Variants in TRAPPC9 observed in about 807,000 individuals in gnomAD.
TRAPPC9 encodes trafficking protein particle complex subunit 9.
In TRAPPC9, 83 loss-of-function variants were observed where a neutral mutation model predicts 124.0. The observed-to-expected ratio is 0.67, with a 90% CI of 0.56 to 0.80. The LOEUF (loss-of-function observed/expected upper bound fraction) is 0.80, where lower values mean the gene tolerates loss of function less well. Among genes scored for constraint, TRAPPC9 ranks in the 30% least tolerant of loss-of-function variants. The pLI is 0.00. For synonymous variants in TRAPPC9, 638 were observed against 617.5 expected (o/e 1.03, Z -0.49); for missense variants, 1,302 against 1,508.3 (o/e 0.86, Z 2.27).
At position 139,749,390 on chromosome 8, in the gene TRAPPC9, T is replaced by A. The variant is rs537775212; in HGVS notation, c.3056-17188A>T. Among the ~76,000 whole-genome samples, 33 of 152,258 alleles carry A rather than the reference T, an allele frequency of 2.2e-4. 1 individual carries two copies. The South Asian group carries it at 6.4e-3, about 30-fold the overall frequency. On this transcript the variant is annotated intron_variant, in intron 21 of 22. Coordinates refer to ENST00000438773, the MANE Select transcript of TRAPPC9 (RefSeq NM_001160372.4). ...GGCTTACAGTGTGACCTCAGGTAAA[T>A]CATTTAACCGATCTGAGCCTCAGCG...
intron 19 of TRAPPC9, among the ~76,000 whole-genome samples, chr8:139,976,081 C>T (rs924181281): frequency 2.0e-5 from 3 of 151,792 alleles, no homozygotes; most frequent in Non-Finnish European, 2.9e-5. Flanking sequence ...TTAGTACAGA[C>T]GGGGTTCCAC....
In TRAPPC9 at chr8:139,860,896, T is replaced by C. The variant is rs187959711; in HGVS notation, c.3055+24983A>G. Among the ~76,000 whole-genome samples, 109 of 152,308 alleles carry C rather than the reference T, an allele frequency of 7.2e-4. No individual in the cohort carries two copies. The Middle Eastern group carries it at 0.01, about 14-fold the overall frequency. ...CACCCTCACCTTCACCACCTGGAAA[T>C]AGCTGCTCCTTACCAGGCTACAGTC... On this transcript the variant is annotated intron_variant, in intron 21 of 22. Transcript: ENST00000438773.
At chr8:139,940,666 C>A (rs915385271) in intron 19 of TRAPPC9, among the ~76,000 whole-genome samples, 2 of 151,972 alleles carry the variant, frequency 1.3e-5, no homozygotes, top group Admixed American at 6.5e-5. Context: ...GCTCCACTGT[C>A]ACCCACAGAA....
intron 5 of TRAPPC9, among the ~76,000 whole-genome samples, chr8:140,414,001 T>C (rs2069808579): frequency 6.6e-6 from 1 of 152,072 alleles, no homozygotes; most frequent in East Asian, 1.9e-4. Flanking sequence ...AGCAGCATGA[T>C]TTATAGTCCT....
chr8:139,795,117 C>A (rs1000333985), intron 21 of TRAPPC9, among the ~76,000 whole-genome samples: 1 of 152,196 alleles, frequency 6.6e-6, no homozygotes, highest in Non-Finnish European at 1.5e-5. Flanking sequence ...CCAAAGACAA[C>A]GGGCAGGCAC....
intron 9 of TRAPPC9, among the ~76,000 whole-genome samples, chr8:140,318,158 C>A (rs1386690854): frequency 2.0e-5 from 3 of 151,986 alleles, no homozygotes; most frequent in African/African-American, 7.3e-5. Flanking sequence ...TCTTGATAAC[C>A]ACTGAATCCG....
At chr8:139,854,844 C>T (rs1453892359) in intron 21 of TRAPPC9, among the ~76,000 whole-genome samples, 7 of 152,106 alleles carry the variant, frequency 4.6e-5, no homozygotes, top group Admixed American at 6.5e-5. Flanking sequence ...CTGAGGCCAG[C>T]GCTGGTTTCC....
intron 21 of TRAPPC9, among the ~76,000 whole-genome samples, chr8:139,755,515 G>T (rs1425388549): frequency 6.9e-6 from 1 of 145,516 alleles, no homozygotes; most frequent in African/African-American, 2.6e-5. Context: ...AGGACAGCAG[G>T]TCGCAGGAGG....
intron 18 of TRAPPC9, among the ~76,000 whole-genome samples, chr8:140,008,886 G>A (rs957404773): frequency 7.2e-5 from 11 of 152,284 alleles, no homozygotes; most frequent in Non-Finnish European, 1.5e-4. Context: ...TATCCCAGTA[G>A]GAAAGGCTGG....
chr8:139,901,693 G>A (rs957185687), intron 20 of TRAPPC9, among the ~76,000 whole-genome samples: 1 of 152,224 alleles, frequency 6.6e-6, no homozygotes, highest in Non-Finnish European at 1.5e-5. Context: ...CCTCTGGTAA[G>A]TGGGGATAAT....
chr8:140,014,372 G>T (rs1374468218), intron 18 of TRAPPC9, among the ~76,000 whole-genome samples: 3 of 151,970 alleles, frequency 2.0e-5, no homozygotes, highest in Non-Finnish European at 4.4e-5. Flanking sequence ...AAATCTCAAA[G>T]GTAATTTGAT....
chr8:139,878,138 T>C (rs1829448097), intron 21 of TRAPPC9, among the ~76,000 whole-genome samples: 1 of 152,200 alleles, frequency 6.6e-6, no homozygotes. Flanking sequence ...TGTTCAACAA[T>C]AGAACAAGTA....
intron 17 of TRAPPC9, among the ~76,000 whole-genome samples, chr8:140,037,768 AAC>A (rs377013866): frequency 2.5e-4 from 36 of 145,930 alleles, no homozygotes; most frequent in East Asian, 6.1e-4. Context: ...ACACACCCAA[AAC>A]ACACACAGAC....
intron 21 of TRAPPC9, among the ~76,000 whole-genome samples, chr8:139,749,843 C>T (rs1375161406): frequency 6.6e-6 from 1 of 152,200 alleles, no homozygotes; most frequent in Non-Finnish European, 1.5e-5. Context: ...CAGTGGAGAG[C>T]ACCTCCCTGC....
intron 18 of TRAPPC9, among the ~76,000 whole-genome samples, chr8:140,004,467 C>T (rs1412473664): frequency 3.9e-5 from 6 of 152,202 alleles, no homozygotes; most frequent in Non-Finnish European, 7.3e-5. Context: ...ATGGCTATAA[C>T]ATCATAAGCA....
chr8:140,263,698 C>G (rs1016427314), intron 15 of TRAPPC9, among the ~76,000 whole-genome samples: 32 of 152,184 alleles, frequency 2.1e-4, no homozygotes, highest in Non-Finnish European at 4.0e-4. Context: ...GTCACAGACA[C>G]AAGTAACTTG....
At chr8:139,924,337 T>A (rs565437279) in intron 19 of TRAPPC9, among the ~76,000 whole-genome samples, 3 of 152,300 alleles carry the variant, frequency 2.0e-5, no homozygotes, top group South Asian at 2.1e-4. Context: ...CTGCTTCCCA[T>A]GGACGACAGG....
chr8:140,272,173 AGTG>A (rs775102305), intron 15 of TRAPPC9, among the ~76,000 whole-genome samples: 1 of 50,192 alleles, frequency 2.0e-5, no homozygotes, highest in South Asian at 8.3e-4. Flanking sequence ...CAGTGGTTAT[AGTG>A]GTGGTGGTTA....
intron 19 of TRAPPC9, among the ~76,000 whole-genome samples, chr8:139,920,696 G>A (rs142786785): frequency 3.2e-4 from 49 of 152,352 alleles, no homozygotes; most frequent in African/African-American, 1.0e-3. Flanking sequence ...TTTCCAAAGC[G>A]TCATGTTCAG....
Sources: allele counts gnomAD v4.1 joint callset (sites outside exome capture counted in the v4.1 genomes callset), GRCh38; gene constraint gnomAD v4.1.1; transcripts MANE v1.5; gene names NCBI Gene and HGNC (gene_info 2026-07-23, HGNC 2026-07-21).